Variants in NDUFAF5 observed in about 807,000 individuals in gnomAD.
The protein encoded by NDUFAF5 is arginine-hydroxylase NDUFAF5, mitochondrial.
A neutral mutation model predicts 48.9 loss-of-function variants in NDUFAF5; 34 were observed. The observed-to-expected ratio is 0.70, with a 90% CI of 0.53 to 0.93. The LOEUF (loss-of-function observed/expected upper bound fraction) is 0.93. Ranked by LOEUF, NDUFAF5 falls within the 40% of genes least tolerant of loss-of-function variation. The pLI is 0.00. For synonymous variants in NDUFAF5, 153 were observed against 150.6 expected (o/e 1.02, Z -0.12); for missense variants, 428 against 427.5 (o/e 1.00, Z -0.01).
chr20:13,787,274 T>G (rs1229927851), intron 1 of NDUFAF5, 38 bp from the exon 2 acceptor site: 2 of 1,609,982 alleles, frequency 1.2e-6, no homozygotes, highest in Admixed American at 3.3e-5. Context: ...AAAAGAGTGT[T>G]ACTTCCCCGT....
chr20:13,808,050 G>T (rs974777981), intron 7 of NDUFAF5, among the ~76,000 whole-genome samples: 1 of 152,210 alleles, frequency 6.6e-6, no homozygotes, highest in African/African-American at 2.4e-5. Context: ...CTGCGTGCTG[G>T]TGGGACAGCC....
intron 1 of NDUFAF5, among the ~76,000 whole-genome samples, chr20:13,785,653 A>G (rs1226260726): frequency 6.6e-6 from 1 of 152,196 alleles, no homozygotes; most frequent in African/African-American, 2.4e-5. Flanking sequence ...TCCAGCCAGT[A>G]TGGTAACTGC....
At chr20:13,808,208 T>C (rs1985353836) in intron 7 of NDUFAF5, among the ~76,000 whole-genome samples, 2 of 152,218 alleles carry the variant, frequency 1.3e-5, no homozygotes, top group Admixed American at 6.5e-5. Context: ...AAAAGAAATA[T>C]GTGTTTGAGA....
chr20:13,814,490 T>G, intron 8 of NDUFAF5: 1 of 1,288,558 alleles, frequency 7.8e-7, no homozygotes, highest in Non-Finnish European at 1.0e-6. Context: ...ATGAGAAATT[T>G]TCAAGGCTTT....
intron 1 of NDUFAF5, chr20:13,787,065 ATGTGTG>A (rs71188187): frequency 5.9e-6 from 3 of 508,272 alleles, no homozygotes; most frequent in Middle Eastern, 5.4e-4. Flanking sequence ...ACATATATAT[ATGTGTG>A]TGTGTGTGTG....
At chr20:13,788,290 C>T (rs541105404) in intron 2 of NDUFAF5, among the ~76,000 whole-genome samples, 34 of 152,248 alleles carry the variant, frequency 2.2e-4, no homozygotes, top group African/African-American at 7.7e-4. Context: ...TCTTTGCATT[C>T]TTTATCTGGA....
At chr20:13,810,480 G>A (rs62209209) in intron 8 of NDUFAF5, among the ~76,000 whole-genome samples, 346 of 152,284 alleles carry the variant, frequency 2.3e-3, no homozygotes, top group Middle Eastern at 6.8e-3. Context: ...TGAGGAGTAA[G>A]TGGAAAGTGA....
chr20:13,803,121 T>C (rs1251471438), intron 7 of NDUFAF5: 1 of 152,174 alleles, frequency 6.6e-6, no homozygotes, highest in African/African-American at 2.4e-5. Context: ...CAAAAATAGA[T>C]TGTGTCATAT....
chr20:13,789,306 G>A (rs761559788), intron 3 of NDUFAF5, among the ~76,000 whole-genome samples: 11 of 151,356 alleles, frequency 7.3e-5, no homozygotes, highest in Admixed American at 1.3e-4. Context: ...CTGGGATTAT[G>A]GGGGTGCACC....
Position 13,808,857 on chromosome 20 carries a change from C to G in NDUFAF5, c.733C>G (p.Gln245Glu). The G allele has an allele frequency of 6.3e-7, 1 of 1,584,750 alleles. No individual in the cohort carries two copies. Among genetic ancestry groups the G allele is most frequent in the Non-Finnish European group, 8.7e-7 (1 of 1,153,722 alleles). The change falls in exon 8 of 11, where the codon CAA becomes GAA. Residue 245 changes from glutamine to glutamate, a missense_variant. Transcript: ENST00000378106. ...NTLTVDTDEI[Q>E]VNYPGMFELM... is the part of the protein sequence containing the mutation. Reference sequence around the variant, plus strand: ...TTTTAAATAGGACACTGATGAAATTCAAGTTAACTATCCTGGAATGTTTGA... The same window carrying G: ...TTTTAAATAGGACACTGATGAAATTGAAGTTAACTATCCTGGAATGTTTGA...
At chr20:13,790,122 A>T (rs948291318) in intron 3 of NDUFAF5, among the ~76,000 whole-genome samples, 1 of 152,122 alleles carries the variant, frequency 6.6e-6, no homozygotes, top group Non-Finnish European at 1.5e-5. Flanking sequence ...TAATCTGGGG[A>T]TGGCATTCGA....
intron 1 of NDUFAF5, chr20:13,787,101 G>C (rs1029489512): frequency 3.3e-6 from 2 of 599,170 alleles, no homozygotes; most frequent in African/African-American, 3.7e-5. Context: ...ATATTTTTAA[G>C]AATATTTAGT....
At chr20:13,807,822 G>A (rs1320836531) in intron 7 of NDUFAF5, among the ~76,000 whole-genome samples, 7 of 151,738 alleles carry the variant, frequency 4.6e-5, no homozygotes, top group South Asian at 2.1e-4. Flanking sequence ...GGTGGCAGGC[G>A]CCTGTAATCC....
rs562953834 is a variant in NDUFAF5, at chr20:13,815,548, T to C, written c.779-915T>C. On this transcript the variant is annotated intron_variant, in intron 8 of 10. Coordinates refer to ENST00000378106, the MANE Select transcript of NDUFAF5 (RefSeq NM_024120.5). Reference sequence around the variant, plus strand: ...GGTTTAGGTGCAGCTCATTTGTTGATTGTTTTTAATAAGACCATTGAAAAT... The same window carrying C: ...GGTTTAGGTGCAGCTCATTTGTTGACTGTTTTTAATAAGACCATTGAAAAT... Among the ~76,000 whole-genome samples the C allele has an allele frequency of 1.2e-4, 19 of 152,358 alleles. No homozygotes were observed. The South Asian group carries it at 1.4e-3, about 12-fold the overall frequency.
rs570524795 is a variant in NDUFAF5 at position 13,804,503 on chromosome 20, G to A, written c.717+2820G>A. The stretch of plus-strand genomic sequence containing the variant: ...ATTTCTGAAACTTTTTTTATTAACA[G>A]TATATGTATTTCCAATATACTGTTA... On this transcript the variant is annotated intron_variant, in intron 7 of 10. Coordinates refer to ENST00000378106, the MANE Select transcript of NDUFAF5 (RefSeq NM_024120.5). Among the ~76,000 whole-genome samples, 7 of 151,742 alleles carry A rather than the reference G, an allele frequency of 4.6e-5. No homozygotes were observed. In the South Asian group the frequency reaches 1.5e-3, roughly 32 times the overall value.
intron 6 of NDUFAF5, among the ~76,000 whole-genome samples, chr20:13,800,370 ATAAATT>A (rs1454962690): frequency 6.6e-6 from 1 of 152,248 alleles, no homozygotes; most frequent in Non-Finnish European, 1.5e-5. Context: ...CATATTAAAT[ATAAATT>A]TAAGACAGTA....
Position 13,785,052 on chromosome 20 carries a change from T to C in NDUFAF5, c.-17T>C, listed in dbSNP as rs116192508. The C allele has an allele frequency of 2.2e-4, 351 of 1,605,622 alleles. 1 individual carries two copies. The African/African-American group carries it at 4.3e-3, about 20-fold the overall frequency. On this transcript the variant is annotated 5_prime_UTR_variant, in exon 1 of 11. Transcript: ENST00000378106. ...CATGCGCACAAAAAGCGCCGGCAATTGGGGTCGCAGCTGGAGATGCTGCGG... is the reference window on the plus strand; with the variant it reads ...CATGCGCACAAAAAGCGCCGGCAATCGGGGTCGCAGCTGGAGATGCTGCGG...
Position 13,791,541 on chromosome 20 carries a change from A to G in NDUFAF5, c.328-1639A>G, listed in dbSNP as rs191005918. ...GCAATTGTACTTAGGGTTGGGAGAA[A>G]GAGGAAGAGCCAATAAAGATGCCAG... On this transcript the variant is annotated intron_variant, in intron 3 of 10. Coordinates refer to ENST00000378106, the MANE Select transcript of NDUFAF5 (RefSeq NM_024120.5). Among the ~76,000 whole-genome samples the G allele has an allele frequency of 1.7e-3, 255 of 152,336 alleles. 2 individuals carry two copies. Among genetic ancestry groups the G allele is most frequent in the African/African-American group, 4.6e-3 (190 of 41,576 alleles).
At chr20:13,816,805 T>C (rs1986516720) in intron 9 of NDUFAF5, 70 bp from the exon 10 acceptor site, 1 of 973,872 alleles carries the variant, frequency 1.0e-6, no homozygotes, top group African/African-American at 1.6e-5. Flanking sequence ...TTGAAGAACA[T>C]GACCTTTATT....
Sources: allele counts gnomAD v4.1 joint callset (sites outside exome capture counted in the v4.1 genomes callset), GRCh38; gene constraint gnomAD v4.1.1; transcripts MANE v1.5; gene names NCBI Gene and HGNC (gene_info 2026-07-23, HGNC 2026-07-21).